Variants in ATP6V1A observed in about 807,000 individuals in gnomAD.
The protein encoded by ATP6V1A is ATPase H+ transporting V1 subunit A.
ATP6V1A carries 18 observed loss-of-function variants against 70.1 expected under a neutral mutation model. That is an observed-to-expected ratio of 0.26 (90% CI 0.18 to 0.38). ATP6V1A has a LOEUF of 0.38. Among genes scored for constraint, ATP6V1A ranks in the 10% least tolerant of loss-of-function variants. The probability of loss-of-function intolerance (pLI) is 1.00; values close to 1 mark genes in which losing one functional copy is unlikely to be tolerated. For synonymous variants in ATP6V1A, 232 were observed against 253.8 expected (o/e 0.91, Z 0.82); for missense variants, 424 against 772.4 (o/e 0.55, Z 5.35).
chr3:113,788,329 TTTTA>T (rs150653005), intron 6 of ATP6V1A, among the ~76,000 whole-genome samples: 1,847 of 151,898 alleles, frequency 0.012, 12 homozygotes, highest in Non-Finnish European at 0.019. Context: ...TTATTTTTAT[TTTTA>T]TTTATTTTTA....
At chr3:113,786,159 C>A (rs891000036) in intron 5 of ATP6V1A, 73 bp from the exon 6 acceptor site, 1 of 1,391,508 alleles carries the variant, frequency 7.2e-7, no homozygotes, top group Non-Finnish European at 9.8e-7. Context: ...CAAGGAGAAT[C>A]GGGTTACTTT....
intron 1 of ATP6V1A, among the ~76,000 whole-genome samples, chr3:113,764,919 C>G (rs1273389686): frequency 6.7e-6 from 1 of 149,454 alleles, no homozygotes; most frequent in Non-Finnish European, 1.5e-5. Context: ...TTACAGTGAG[C>G]TGAGGTTGCA....
intron 13 of ATP6V1A, among the ~76,000 whole-genome samples, chr3:113,804,957 G>A (rs1258847317): frequency 6.6e-6 from 1 of 151,980 alleles, no homozygotes; most frequent in East Asian, 1.9e-4. Flanking sequence ...CTATCACAAG[G>A]GAGTCTTTAC....
At chr3:113,772,553 C>T (rs1708855079) in intron 1 of ATP6V1A, among the ~76,000 whole-genome samples, 1 of 151,970 alleles carries the variant, frequency 6.6e-6, no homozygotes, top group African/African-American at 2.4e-5. Context: ...CAGTGAAATC[C>T]CGTCTCTACT....
In ATP6V1A at chr3:113,786,681, A is replaced by C. The variant is rs540113455; in HGVS notation, c.716+298A>C. Among the ~76,000 whole-genome samples the C allele has an allele frequency of 1.0e-4, 15 of 150,454 alleles. 2 individuals carry two copies. Among genetic ancestry groups the C allele is most frequent in the African/African-American group, 3.4e-4 (14 of 41,368 alleles). ...ACATTTACTTTTTTCATGGTTGCCC[A>C]CAGAAAGCATTATTTCTGAAACTTT... On this transcript the variant is annotated intron_variant, in intron 6 of 14. Coordinates refer to ENST00000273398, the MANE Select transcript of ATP6V1A (RefSeq NM_001690.4).
intron 1 of ATP6V1A, among the ~76,000 whole-genome samples, chr3:113,770,528 A>T (rs1382687938): frequency 1.3e-5 from 2 of 151,922 alleles, no homozygotes; most frequent in African/African-American, 4.8e-5. Context: ...AAATGCAAAA[A>T]ATTAGCCAGG....
chr3:113,791,996 C>T (rs1353069695), intron 8 of ATP6V1A, among the ~76,000 whole-genome samples: 1 of 152,142 alleles, frequency 6.6e-6, no homozygotes, highest in Admixed American at 6.5e-5. Context: ...TGGTTTTCAC[C>T]TTATTTAGGT....
At position 113,810,872 on chromosome 3, in the gene ATP6V1A, C is replaced by T. The variant is rs1192991106; in HGVS notation, c.*1445C>T. 2.0e-5 allele frequency: 3 copies of T among 152,194 alleles called. No individual in the cohort carries two copies. The highest frequency in any genetic ancestry group is 2.0e-4 in the Admixed American group (3 of 15,284). 9.4% of individuals were successfully genotyped at this position (152,194 alleles called of 1,614,324 possible). On this transcript the variant is annotated 3_prime_UTR_variant, in exon 15 of 15. Transcript: ENST00000273398. ...TTTCTTTCATATGGTTTTTGGTTCA[C>T]TGGCTTAAGAGGTTTCTCAGAATAT...
chr3:113,755,523 C>A (rs1466808369), intron 1 of ATP6V1A, among the ~76,000 whole-genome samples: 3 of 151,946 alleles, frequency 2.0e-5, no homozygotes, highest in Admixed American at 1.3e-4. Flanking sequence ...ATTGCTTGAG[C>A]CTGGGAGGCA....
At chr3:113,757,164 G>A (rs534914941) in intron 1 of ATP6V1A, among the ~76,000 whole-genome samples, 2 of 152,242 alleles carry the variant, frequency 1.3e-5, no homozygotes, top group African/African-American at 4.8e-5. Context: ...AGGTCCCAAC[G>A]TAGTATACCT....
At position 113,753,676 on chromosome 3, in the gene ATP6V1A, G is replaced by A. The variant is rs111458607; in HGVS notation, c.-14+6563G>A. Among the ~76,000 whole-genome samples, 106 of 151,424 alleles carry A rather than the reference G, an allele frequency of 7.0e-4. 2 individuals carry two copies. The highest frequency in any genetic ancestry group is 2.3e-3 in the African/African-American group (96 of 41,252). ...AAGGATTTCCAAGTACATTCTGAAAGGATTTCTATCATGTGTCTTTTTTTT... is the reference window on the plus strand; with the variant it reads ...AAGGATTTCCAAGTACATTCTGAAAAGATTTCTATCATGTGTCTTTTTTTT... On this transcript the variant is annotated intron_variant, in intron 1 of 14. Transcript: ENST00000273398.
At chr3:113,787,667 A>C (rs977740065) in intron 6 of ATP6V1A, among the ~76,000 whole-genome samples, 1 of 152,256 alleles carries the variant, frequency 6.6e-6, no homozygotes, top group Non-Finnish European at 1.5e-5. Flanking sequence ...ATTTATTTGC[A>C]TGTGTAACTT....
At chr3:113,798,720 A>C (rs1709179262) in intron 12 of ATP6V1A, among the ~76,000 whole-genome samples, 1 of 152,172 alleles carries the variant, frequency 6.6e-6, no homozygotes, top group African/African-American at 2.4e-5. Context: ...GTTAGCATAC[A>C]TTTTTGTAGG....
chr3:113,773,513 C>T (rs1708874832), intron 1 of ATP6V1A, among the ~76,000 whole-genome samples: 1 of 152,170 alleles, frequency 6.6e-6, no homozygotes. Flanking sequence ...GACTGCTAAA[C>T]CCACAAGACT....
intron 13 of ATP6V1A, among the ~76,000 whole-genome samples, chr3:113,804,750 A>G (rs1260615689): frequency 6.6e-6 from 1 of 152,258 alleles, no homozygotes; most frequent in Non-Finnish European, 1.5e-5. Context: ...AGTATCCGTG[A>G]AATTATGTAT....
chr3:113,787,772 G>A (rs1019686510), intron 6 of ATP6V1A, among the ~76,000 whole-genome samples: 3 of 152,214 alleles, frequency 2.0e-5, no homozygotes, highest in East Asian at 1.9e-4. Flanking sequence ...GGCAAAAACC[G>A]ATATCATTAT....
At chr3:113,760,847 T>G (rs1204312487) in intron 1 of ATP6V1A, among the ~76,000 whole-genome samples, 1 of 151,730 alleles carries the variant, frequency 6.6e-6, no homozygotes, top group Non-Finnish European at 1.5e-5. Flanking sequence ...GGCAGGCAGA[T>G]CACAAGATCA....
At chr3:113,790,219 C>T (rs1162120169) in intron 8 of ATP6V1A, among the ~76,000 whole-genome samples, 1 of 146,938 alleles carries the variant, frequency 6.8e-6, no homozygotes, top group Non-Finnish European at 1.5e-5. Flanking sequence ...AGGAGAATTG[C>T]TTGAATCCGG....
Position 113,792,818 on chromosome 3 carries a change from C to T in ATP6V1A, c.989-2054C>T, listed in dbSNP as rs184243181. On this transcript the variant is annotated intron_variant, in intron 8 of 14. Coordinates refer to ENST00000273398, the MANE Select transcript of ATP6V1A (RefSeq NM_001690.4). ...GTTCTTATGATAATTATCAAAGATA[C>T]GGAAAAGTTGAAAGAATGTTACAGT... is the stretch of plus-strand genomic sequence containing the variant. Among the ~76,000 whole-genome samples the T allele has an allele frequency of 1.1e-3, 161 of 152,182 alleles. 1 individual carries two copies. The Middle Eastern group carries it at 0.031, about 29-fold the overall frequency.
Sources: allele counts gnomAD v4.1 joint callset (sites outside exome capture counted in the v4.1 genomes callset), GRCh38; gene constraint gnomAD v4.1.1; transcripts MANE v1.5; gene names NCBI Gene and HGNC (gene_info 2026-07-23, HGNC 2026-07-21).